ELOA2: variants seen among roughly 807,000 people sequenced by gnomAD.
The protein encoded by ELOA2 is elongin-A2.
For synonymous variants in ELOA2, 497 were observed against 398.8 expected (o/e 1.25, Z -2.94); for missense variants, 1,271 against 979.7 (o/e 1.30, Z -3.97).
rs772133961 is a variant in ELOA2, at chr18:47,033,129, G to C, written c.2136C>G (p.Pro712=). 2 of 1,614,130 alleles carry C rather than the reference G, an allele frequency of 1.2e-6. No individual in the cohort carries two copies. The highest frequency in any genetic ancestry group is 1.7e-6 in the Non-Finnish European group (2 of 1,180,044). ...LRWLPEKRAN[P]CLSSSNEHAA... ...CGTGCTCATTGCTGCTGCTCAGGCAGGGGTTGGCCCGCTTCTCAGGGAGCC... is the reference window on the plus strand; with the variant it reads ...CGTGCTCATTGCTGCTGCTCAGGCACGGGTTGGCCCGCTTCTCAGGGAGCC... Residue 712 remains proline (P), a synonymous_variant, in exon 1 of 1, where the codon CCC becomes CCG. Transcript: ENST00000332567.
Position 47,034,206 on chromosome 18 carries a change from A to T in ELOA2, c.1059T>A (p.Thr353=). 6.2e-7 allele frequency: 1 copy of T among 1,613,816 alleles called. No homozygotes were observed. The highest frequency in any genetic ancestry group is 8.5e-7 in the Non-Finnish European group (1 of 1,179,666). ...DRETQEGKPP[T]AHLDRTSVSS... ...TCACGGACGTTCTGTCCAAATGAGC[A>T]GTCGGTGGCTTCCCCTCTTGAGTCT... Residue 353 remains threonine, a synonymous_variant, in exon 1 of 1, where the codon ACT becomes ACA. Transcript: ENST00000332567.
At position 47,032,689 on chromosome 18, in the gene ELOA2, A is replaced by C; in HGVS notation, c.*314T>G. On this transcript the variant is annotated 3_prime_UTR_variant, in exon 1 of 1. Coordinates refer to ENST00000332567, the MANE Select transcript of ELOA2 (RefSeq NM_016427.3). Reference sequence around the variant, plus strand: ...AAAAAAAAAAGAAAGGAAAAAGGAAATCTCACATCTTTTTCCTTATTTATG... The same window carrying C: ...AAAAAAAAAAGAAAGGAAAAAGGAACTCTCACATCTTTTTCCTTATTTATG... 2.3e-6 allele frequency: 1 copy of C among 429,266 alleles called. No homozygotes were observed. Among genetic ancestry groups the C allele is most frequent in the Non-Finnish European group, 4.1e-6 (1 of 244,492 alleles). 26.6% of individuals were successfully genotyped at this position (429,266 alleles called of 1,614,324 possible).
rs1243905725 is a variant in ELOA2, at chr18:47,034,602, C to T, written c.663G>A (p.Val221=). 4.3e-6 allele frequency: 7 copies of T among 1,614,186 alleles called. No individual in the cohort carries two copies. Among genetic ancestry groups the T allele is most frequent in the South Asian group, 3.3e-5 (3 of 91,088 alleles). Residue 221 remains valine, a synonymous_variant, in exon 1 of 1, where the codon GTG becomes GTA. Transcript: ENST00000332567. ...ACGATTTGTGCCCCTTGCTGTGGCT[C>T]ACAACGGCTTTCCCCTGGGGTTGGC... is the stretch of plus-strand genomic sequence containing the variant. ...CQGQPQGKAV[V]SHSKGHKSSR...
In ELOA2 at chr18:47,034,500, C is replaced by T. The variant is rs1346988973; in HGVS notation, c.765G>A (p.Gly255=). ...TTGGGGTTTCCTCTCTTAAGCAGGC[C>T]CCGCATGATTTCTCCCTGATCAAAG... ...SPTLIREKSC[G]ACLREETPRM... is the part of the protein sequence containing the mutation. The change falls in exon 1 of 1, where the codon GGG becomes GGA. Residue 255 remains glycine (G), a synonymous_variant. Coordinates refer to ENST00000332567, the MANE Select transcript of ELOA2 (RefSeq NM_016427.3). The T allele has an allele frequency of 6.2e-7, 1 of 1,614,058 alleles. No homozygotes were observed. The highest frequency in any genetic ancestry group is 8.5e-7 in the Non-Finnish European group (1 of 1,180,040).
rs752779664 is a variant in ELOA2 at position 47,034,564 on chromosome 18, T to C, written c.701A>G (p.Lys234Arg). The change falls in exon 1 of 1, where the codon AAA (lysine) becomes AGA (arginine). Residue 234 changes from lysine (K) to arginine (R), a missense_variant. Transcript: ENST00000332567. ...ATCTCCCTGGGCACACAAGGGGCGT[T>C]TTTCCTGGCGAGACGATTTGTGCCC... ...SKGHKSSRQE[K>R]RPLCAQGDWH... 1 of 1,614,160 alleles carries C rather than the reference T, an allele frequency of 6.2e-7. No individual in the cohort carries two copies. The highest frequency in any genetic ancestry group is 2.2e-5 in the East Asian group (1 of 44,870).
rs572912705 is a variant in ELOA2 at position 47,034,059 on chromosome 18, A to C, written c.1206T>G (p.Ser402=). Residue 402 remains serine (S), a synonymous_variant, in exon 1 of 1, where the codon TCT becomes TCG. Coordinates refer to ENST00000332567, the MANE Select transcript of ELOA2 (RefSeq NM_016427.3). ...LRKQKKKTGK[S]ATTALGDKQR... ...GTTTATCTCCAAGTGCAGTGGTGGC[A>C]GATTTTCCAGTCTTTTTCTTTTGCT... 1 of 1,614,216 alleles carries C rather than the reference A, an allele frequency of 6.2e-7. No homozygotes were observed. Among genetic ancestry groups the C allele is most frequent in the South Asian group, 1.1e-5 (1 of 91,078 alleles).
At position 47,033,906 on chromosome 18, in the gene ELOA2, C is replaced by A; in HGVS notation, c.1359G>T (p.Thr453=). The A allele has an allele frequency of 6.2e-7, 1 of 1,613,202 alleles. No homozygotes were observed. The highest frequency in any genetic ancestry group is 8.5e-7 in the Non-Finnish European group (1 of 1,180,014). The change falls in exon 1 of 1, where the codon ACG becomes ACT. Residue 453 remains threonine, a synonymous_variant. Coordinates refer to ENST00000332567, the MANE Select transcript of ELOA2 (RefSeq NM_016427.3). The part of the protein sequence containing the change: ...AAGADSAGPK[T]VPSHVFSELW... The stretch of plus-strand genomic sequence containing the variant: ...GCTCTGAGAAGACATGGCTGGGCAC[C>A]GTTTTCGGCCCGGCGGAATCAGCGC...
Position 47,033,168 on chromosome 18 carries a change from G to A in ELOA2, c.2097C>T (p.Ser699=), listed in dbSNP as rs1313141411. 1 of 1,614,118 alleles carries A rather than the reference G, an allele frequency of 6.2e-7. No individual in the cohort carries two copies. Among genetic ancestry groups the A allele is most frequent in the African/African-American group, 1.3e-5 (1 of 75,070 alleles). The change falls in exon 1 of 1, where the codon AGC becomes AGT. Residue 699 remains serine (S), a synonymous_variant. Coordinates refer to ENST00000332567, the MANE Select transcript of ELOA2 (RefSeq NM_016427.3). ...TCTCAGGGAGCCAGCGAAGGATGCT[G>A]CTGCTGCTGTCTCTGCCACCGCCGC... ...SSSGGGRDSS[S]SILRWLPEKR...
chr18:47,034,799 TTCTC>T, the ELOA2 span: 1 of 1,612,310 alleles, frequency 6.2e-7, no homozygotes, highest in East Asian at 2.2e-5. Flanking sequence ...CTGGGGCACT[TTCTC>T]TCAGCTCTGG....
Position 47,033,519 on chromosome 18 carries a change from G to C in ELOA2, c.1746C>G (p.Asp582Glu), listed in dbSNP as rs775198012. 5 of 1,614,060 alleles carry C rather than the reference G, an allele frequency of 3.1e-6. No individual in the cohort carries two copies. Among genetic ancestry groups the C allele is most frequent in the South Asian group, 1.1e-5 (1 of 91,068 alleles). ...KDNHALVRETDELRRNHCFQD... is the reference protein window; with the variant it reads ...KDNHALVRETEELRRNHCFQD... The stretch of plus-strand genomic sequence containing the variant: ...GGAAACAATGATTCCTCCGTAATTC[G>C]TCTGTCTCTCTAACGAGTGCGTGAT... Residue 582 changes from aspartate to glutamate, a missense_variant, in exon 1 of 1, where the codon GAC becomes GAG. By Grantham distance (45) the Asp-to-Glu change is conservative (BLOSUM62 2). Coordinates refer to ENST00000332567, the MANE Select transcript of ELOA2 (RefSeq NM_016427.3).
chr18:47,033,453 C>G lies in ELOA2; in HGVS notation c.1812G>C (p.Trp604Cys). The G allele has an allele frequency of 6.2e-7, 1 of 1,613,990 alleles. No homozygotes were observed. Among genetic ancestry groups the G allele is most frequent in the Non-Finnish European group, 8.5e-7 (1 of 1,180,030 alleles). Residue 604 changes from tryptophan (W) to cysteine (C), a missense_variant, in exon 1 of 1, where the codon TGG becomes TGC. Physicochemically the swap from Trp to Cys is radical, Grantham distance 215. Coordinates refer to ENST00000332567, the MANE Select transcript of ELOA2 (RefSeq NM_016427.3). The part of the protein sequence containing the change: ...KEEKPQENKT[W>C]REQYLRLPDA... Reference sequence around the variant, plus strand: ...CCGGAAGCCGCAGGTACTGCTCCCTCCAAGTTTTGTTTTCCTGTGGCTTTT... The same window carrying G: ...CCGGAAGCCGCAGGTACTGCTCCCTGCAAGTTTTGTTTTCCTGTGGCTTTT...
rs1336558272 is a variant in ELOA2 at position 47,033,390 on chromosome 18, A to G, written c.1875T>C (p.Asn625=). The G allele has an allele frequency of 1.2e-6, 2 of 1,614,112 alleles. No homozygotes were observed. The highest frequency in any genetic ancestry group is 1.7e-6 in the Non-Finnish European group (2 of 1,180,016). ...GGTTGTTTCCACGTGCAGATCGGATATTCGTTGTCATTACTCTCAGCCGCT... is the reference window on the plus strand; with the variant it reads ...GGTTGTTTCCACGTGCAGATCGGATGTTCGTTGTCATTACTCTCAGCCGCT... ...PEQRLRVMTT[N]IRSARGNNPN... Residue 625 remains asparagine (N), a synonymous_variant, in exon 1 of 1, where the codon AAT becomes AAC. Coordinates refer to ENST00000332567, the MANE Select transcript of ELOA2 (RefSeq NM_016427.3).
At position 47,034,512 on chromosome 18, in the gene ELOA2, C is replaced by A; in HGVS notation, c.753G>T (p.Glu251Asp). The A allele has an allele frequency of 6.2e-7, 1 of 1,614,224 alleles. No homozygotes were observed. Among genetic ancestry groups the A allele is most frequent in the African/African-American group, 1.3e-5 (1 of 75,082 alleles). Residue 251 changes from glutamate to aspartate, a missense_variant, in exon 1 of 1, where the codon GAG becomes GAT. Glu to Asp is a conservative substitution (Grantham distance 45, BLOSUM62 2). Coordinates refer to ENST00000332567, the MANE Select transcript of ELOA2 (RefSeq NM_016427.3). ...CTCTTAAGCAGGCCCCGCATGATTT[C>A]TCCCTGATCAAAGTAGGGGAGTGCC... is the stretch of plus-strand genomic sequence containing the variant. Reference protein sequence around the residue: ...GDWHSPTLIREKSCGACLREE... With the variant: ...GDWHSPTLIRDKSCGACLREE...
At position 47,034,586 on chromosome 18, in the gene ELOA2, G is replaced by T; in HGVS notation, c.679C>A (p.His227Asn). Residue 227 changes from histidine (H) to asparagine (N), a missense_variant, in exon 1 of 1, where the codon CAC (histidine) becomes AAC (asparagine). Transcript: ENST00000332567. ...CGTTTTTCCTGGCGAGACGATTTGT[G>T]CCCCTTGCTGTGGCTCACAACGGCT... ...GKAVVSHSKG[H>N]KSSRQEKRPL... is the part of the protein sequence containing the mutation. 6.2e-7 allele frequency: 1 copy of T among 1,614,178 alleles called. No homozygotes were observed. Among genetic ancestry groups the T allele is most frequent in the Non-Finnish European group, 8.5e-7 (1 of 1,180,006 alleles).
Position 47,035,307 on chromosome 18 carries a change from C to A in ELOA2, c.-43G>T. ...GGCGTCGCTGTCCCGGCGGTCGCAG[C>A]TCTGTCTTTGGGGCTGCGGGACAGG... On this transcript the variant is annotated 5_prime_UTR_variant, in exon 1 of 1. Transcript: ENST00000332567. 1 of 1,611,444 alleles carries A rather than the reference C, an allele frequency of 6.2e-7. No homozygotes were observed. Among genetic ancestry groups the A allele is most frequent in the Non-Finnish European group, 8.5e-7 (1 of 1,179,390 alleles).
chr18:47,034,372 T>A lies in ELOA2; in HGVS notation c.893A>T (p.Glu298Val). Reference protein sequence around the residue: ...AGSGQRVPALEEAPDSHQKRP... With the variant: ...AGSGQRVPALVEAPDSHQKRP... ...CTTCTGGTGACTGTCTGGAGCCTCCTCCAAGGCAGGGACACGCTGGCCGCT... is the reference window on the plus strand; with the variant it reads ...CTTCTGGTGACTGTCTGGAGCCTCCACCAAGGCAGGGACACGCTGGCCGCT... Residue 298 changes from glutamate to valine, a missense_variant, in exon 1 of 1, where the codon GAG (glutamate) becomes GTG (valine). Transcript: ENST00000332567. 6.2e-7 allele frequency: 1 copy of A among 1,614,054 alleles called. No homozygotes were observed. The highest frequency in any genetic ancestry group is 8.5e-7 in the Non-Finnish European group (1 of 1,180,022).
chr18:47,034,294 TC>T, the ELOA2 span: 12 of 1,613,600 alleles, frequency 7.4e-6, no homozygotes, highest in Non-Finnish European at 1.0e-5. Context: ...ATTTCCTGGG[TC>T]CCGGCCGTCT....
At position 47,035,245 on chromosome 18, in the gene ELOA2, G is replaced by A. The variant is rs572647337; in HGVS notation, c.20C>T (p.Thr7Met). Residue 7 changes from threonine to methionine, a missense_variant, in exon 1 of 1, where the codon ACG becomes ATG. Coordinates refer to ENST00000332567, the MANE Select transcript of ELOA2 (RefSeq NM_016427.3). MAAGST[T>M]LHAVEKLQVR... The stretch of plus-strand genomic sequence containing the variant: ...CTGCAGCTTCTCCACTGCGTGCAGC[G>A]TAGTGGACCCTGCCGCCATCTCACC... The A allele has an allele frequency of 5.0e-6, 8 of 1,612,684 alleles. No individual in the cohort carries two copies. In the Admixed American group the frequency reaches 5.0e-5, roughly 10 times the overall value.
At position 47,035,425 on chromosome 18, in the gene ELOA2, A is replaced by T; in HGVS notation, c.-161T>A. The T allele has an allele frequency of 1.4e-6, 2 of 1,425,044 alleles. No individual in the cohort carries two copies. The highest frequency in any genetic ancestry group is 1.9e-6 in the Non-Finnish European group (2 of 1,070,074). The allele number at this position is 1,425,044 out of a possible 1,614,324, so 88.3% of individuals were successfully genotyped here. A position where few individuals can be genotyped will look rare whatever the true frequency, so the allele number is the denominator to read the frequency against. On this transcript the variant is annotated 5_prime_UTR_variant, in exon 1 of 1. Transcript: ENST00000332567. ...CTGGAGCGAGCTGGGTCCTCGGAGC[A>T]GCAGGCCACTTGGTCTGGAACGGCC...
Sources: gnomAD v4.1 joint callset for allele counts on GRCh38, gnomAD v4.1.1 for gene constraint, MANE v1.5 for transcripts, NCBI Gene and HGNC (gene_info 2026-07-23, HGNC 2026-07-21) for gene names.